The following MCM9 variants were observed in gnomAD, a reference collection of about 807,000 sequenced individuals.
MCM9 encodes the protein minichromosome maintenance 9 homologous recombination repair factor.
In MCM9, 55 loss-of-function variants were observed where a neutral mutation model predicts 72.8. That is an observed-to-expected ratio of 0.76 (90% CI 0.61 to 0.95). The LOEUF is 0.95. Ranked by LOEUF, MCM9 falls within the 40% of genes least tolerant of loss-of-function variation. The probability of loss-of-function intolerance (pLI) is 0.00; values close to 1 mark genes in which losing one functional copy is unlikely to be tolerated. For synonymous variants in MCM9, 480 were observed against 503.4 expected (o/e 0.95, Z 0.62); for missense variants, 1,279 against 1,377.0 (o/e 0.93, Z 1.13).
At chr6:118,879,150 G>A (rs544610635) in intron 8 of MCM9, among the ~76,000 whole-genome samples, 1 of 152,096 alleles carries the variant, frequency 6.6e-6, no homozygotes, top group Non-Finnish European at 1.5e-5. Flanking sequence ...AAACAAAGAG[G>A]AGCATAGTAT....
Position 118,923,828 on chromosome 6 carries a change from T to C in MCM9, c.604A>G (p.Ile202Val). 6.2e-7 allele frequency: 1 copy of C among 1,612,364 alleles called. No homozygotes were observed. The highest frequency in any genetic ancestry group is 8.5e-7 in the Non-Finnish European group (1 of 1,178,568). The stretch of plus-strand genomic sequence containing the variant: ...TTATTTACCTGTTCCTGAATTTTGA[T>C]TTCCTGGTAATCTCTACACCTGGTT... Reference protein sequence around the residue: ...SPTRCRDYQEIKIQEQVQRLS... With the variant: ...SPTRCRDYQEVKIQEQVQRLS... Residue 202 changes from isoleucine to valine, a missense_variant, in exon 4 of 14, where the codon ATC becomes GTC. Transcript: ENST00000619706.
At chr6:118,826,401 T>C (rs929564853) in intron 12 of MCM9, 109 bp from the exon 13 acceptor site, 6 of 1,103,170 alleles carry the variant, frequency 5.4e-6, no homozygotes, top group Non-Finnish European at 7.5e-6. Context: ...TTTACACCCC[T>C]ATACTGGGTA....
At chr6:118,837,891 A>T (rs924809347) in intron 9 of MCM9, among the ~76,000 whole-genome samples, 1 of 152,106 alleles carries the variant, frequency 6.6e-6, no homozygotes, top group African/African-American at 2.4e-5. Context: ...TGTGAATTTG[A>T]TCCTGTTATT....
At position 118,822,294 on chromosome 6, in the gene MCM9, T is replaced by C. The variant is rs147687739; in HGVS notation, c.1961+3853A>G. On this transcript the variant is annotated intron_variant, in intron 13 of 13. Transcript: ENST00000619706. ...GATCTTTGAGCTGATGACCTTAGGA[T>C]GGGGTTTTTGTGTGGGGGCCCTTTT... Among the ~76,000 whole-genome samples the C allele has an allele frequency of 2.8e-3, 425 of 152,330 alleles. 2 individuals carry two copies. Among genetic ancestry groups the C allele is most frequent in the Admixed American group, 4.7e-3 (72 of 15,304 alleles).
At position 118,815,238 on chromosome 6, in the gene MCM9, C is replaced by T. The variant is rs1158026247; in HGVS notation, c.3018G>A (p.Lys1006=). Residue 1006 remains lysine (K), a synonymous_variant, in exon 14 of 14, where the codon AAG becomes AAA. Coordinates refer to ENST00000619706, the MANE Select transcript of MCM9 (RefSeq NM_017696.3). ...TCCTCTTCTCAGGGGCACACATCAC[C>T]TTCTCTCTTGGTCCGTGTTTCTCTG... ...QPPEKHGPRE[K]VMCAPEKRII... is the part of the protein sequence containing the mutation. The T allele has an allele frequency of 6.4e-7, 1 of 1,550,678 alleles. No homozygotes were observed. The highest frequency in any genetic ancestry group is 2.0e-5 in the Admixed American group (1 of 50,968).
rs777624704 is a variant in MCM9 at position 118,815,712 on chromosome 6, C to A, written c.2544G>T (p.Leu848=). ...GGGCCCTCTCTTTGCACAGCTTCTG[C>A]AGGTTCCTGGGGACATGATGAGTCA... ...SVLTHHVPRN[L]QKLCKERAQK... Residue 848 remains leucine (L), a synonymous_variant, in exon 14 of 14, where the codon CTG becomes CTT. Coordinates refer to ENST00000619706, the MANE Select transcript of MCM9 (RefSeq NM_017696.3). 9.8e-5 allele frequency: 151 copies of A among 1,546,630 alleles called. 1 individual carries two copies. In the African/African-American group the frequency reaches 1.9e-3, roughly 19 times the overall value.
intron 3 of MCM9, among the ~76,000 whole-genome samples, chr6:118,926,006 A>G (rs1296717189): frequency 6.6e-6 from 1 of 152,194 alleles, no homozygotes; most frequent in African/African-American, 2.4e-5. Flanking sequence ...TATATTCACA[A>G]TATTGTATAA....
intron 8 of MCM9, among the ~76,000 whole-genome samples, chr6:118,882,742 G>A (rs1262341846): frequency 6.6e-6 from 1 of 152,148 alleles, no homozygotes; most frequent in Non-Finnish European, 1.5e-5. Context: ...TGTTGCCTCT[G>A]AGGAGTAACA....
intron 8 of MCM9, among the ~76,000 whole-genome samples, chr6:118,904,078 G>C (rs1779997374): frequency 7.0e-6 from 1 of 142,484 alleles, no homozygotes; most frequent in South Asian, 2.1e-4. Context: ...TTAATAATCT[G>C]AGGTTTTAAA....
intron 8 of MCM9, chr6:118,908,492 C>T (rs1442962872): frequency 6.6e-6 from 1 of 151,908 alleles, no homozygotes; most frequent in East Asian, 1.9e-4. Flanking sequence ...TATATAAAAA[C>T]CATGGATTTA....
In MCM9 at chr6:118,816,156, A is replaced by G. The variant is rs1177990654; in HGVS notation, c.2100T>C (p.His700=). ...CGGGGCTGCCTCCAGGAGAGAAGAT[A>G]TGTGTGCTATAGTTGATTTCCTGCT... The part of the protein sequence containing the change: ...SSQQEINYST[H]IFSPGGSPEG... The change falls in exon 14 of 14, where the codon CAT becomes CAC. Residue 700 remains histidine (H), a synonymous_variant. Transcript: ENST00000619706. 2 of 1,550,444 alleles carry G rather than the reference A, an allele frequency of 1.3e-6. No individual in the cohort carries two copies. Among genetic ancestry groups the G allele is most frequent in the East Asian group, 2.4e-5 (1 of 40,914 alleles).
At chr6:118,911,621 A>G (rs759003377) in intron 8 of MCM9, 29 bp downstream of exon 8, 57 of 1,592,122 alleles carry the variant, frequency 3.6e-5, no homozygotes, top group Non-Finnish European at 4.4e-5. Context: ...AAGTAATGTT[A>G]AATTACTTGA....
At chr6:118,838,147 G>T (rs1486599824) in intron 9 of MCM9, among the ~76,000 whole-genome samples, 3 of 151,002 alleles carry the variant, frequency 2.0e-5, no homozygotes, top group African/African-American at 7.3e-5. Context: ...GTTAAATTTT[G>T]GGTTGAAAAT....
intron 8 of MCM9, among the ~76,000 whole-genome samples, chr6:118,878,580 A>C (rs976679818): frequency 1.3e-5 from 2 of 152,302 alleles, no homozygotes; most frequent in East Asian, 3.9e-4. Flanking sequence ...AGAAAAGGGA[A>C]TAGAATTACA....
intron 10 of MCM9, among the ~76,000 whole-genome samples, chr6:118,828,390 A>ATT (rs796793445): frequency 4.1e-5 from 6 of 145,642 alleles, no homozygotes; most frequent in Non-Finnish European, 6.1e-5. Context: ...AAATACATCT[A>ATT]TTTTTTTTTT....
chr6:118,900,671 C>T (rs1164878014), intron 8 of MCM9: 2 of 860,938 alleles, frequency 2.3e-6, no homozygotes, highest in Middle Eastern at 2.2e-4. Flanking sequence ...ATTTTAAAGC[C>T]AGTAAGTGGC....
intron 8 of MCM9, chr6:118,894,653 CT>C: frequency 1.3e-6 from 1 of 788,590 alleles, no homozygotes; most frequent in Non-Finnish European, 2.0e-6. Flanking sequence ...CGGAGGGAAA[CT>C]TGAAGTTGAT....
At chr6:118,863,282 C>T (rs1777014288) in intron 8 of MCM9, among the ~76,000 whole-genome samples, 1 of 152,140 alleles carries the variant, frequency 6.6e-6, no homozygotes, top group African/African-American at 2.4e-5. Context: ...GGTACTTACA[C>T]TACCTGTGAA....
intron 8 of MCM9, among the ~76,000 whole-genome samples, chr6:118,890,329 G>A (rs188936676): frequency 4.1e-4 from 62 of 152,304 alleles, no homozygotes; most frequent in Admixed American, 1.4e-3. Context: ...AGCCATCAGA[G>A]GAATGGGTTT....
Sources: allele counts gnomAD v4.1 joint callset (sites outside exome capture counted in the v4.1 genomes callset), GRCh38; gene constraint gnomAD v4.1.1; transcripts MANE v1.5; gene names NCBI Gene and HGNC (gene_info 2026-07-23, HGNC 2026-07-21).